The following SYT1 variants were observed in gnomAD, a reference collection of about 807,000 sequenced individuals.
SYT1 encodes the protein synaptotagmin-1.
Under a neutral mutation model 44.8 loss-of-function variants are expected in SYT1, and 8 were observed. The ratio of observed to expected loss-of-function variants is 0.18; its 90% confidence interval spans 0.10 to 0.32. The LOEUF is 0.32. Ranked by LOEUF, SYT1 falls within the 10% of genes least tolerant of loss-of-function variation. The pLI is 1.00. For synonymous variants in SYT1, 154 were observed against 188.8 expected (o/e 0.82, Z 1.51); for missense variants, 286 against 509.3 (o/e 0.56, Z 4.22).
intron 2 of SYT1, among the ~76,000 whole-genome samples, chr12:79,007,315 T>C (rs959987083): frequency 1.3e-5 from 2 of 152,204 alleles, no homozygotes; most frequent in African/African-American, 2.4e-5. Flanking sequence ...CTCTGGACTT[T>C]CATGGCTCTT....
At chr12:79,167,420 G>A (rs1321072076) in intron 3 of SYT1, among the ~76,000 whole-genome samples, 1 of 151,988 alleles carries the variant, frequency 6.6e-6, no homozygotes, top group Non-Finnish European at 1.5e-5. Flanking sequence ...GTGTGTGTTT[G>A]TGTGTGCTTG....
chr12:79,012,440 A>G (rs946691913), intron 2 of SYT1, among the ~76,000 whole-genome samples: 5 of 152,166 alleles, frequency 3.3e-5, no homozygotes, highest in Non-Finnish European at 5.9e-5. Flanking sequence ...AGCACAAACC[A>G]TCTCTTACTC....
At chr12:79,227,931 G>A (rs995964748) in intron 4 of SYT1, among the ~76,000 whole-genome samples, 1 of 152,026 alleles carries the variant, frequency 6.6e-6, no homozygotes, top group Non-Finnish European at 1.5e-5. Context: ...CGGAAACTTT[G>A]CAGCCAAATA....
At chr12:79,111,356 T>C (rs11112829) in intron 3 of SYT1, among the ~76,000 whole-genome samples, 24,105 of 151,898 alleles carry the variant, frequency 0.16, 2,075 homozygotes, top group African/African-American at 0.22. Flanking sequence ...TTTCTCTTCC[T>C]GGAACACCCT....
At chr12:79,046,286 T>C (rs895409179) in intron 2 of SYT1, 3 of 152,232 alleles carry the variant, frequency 2.0e-5, no homozygotes, top group African/African-American at 7.2e-5. Context: ...GAGCTGCTGA[T>C]ATTAAAATAT....
At chr12:78,947,759 G>A (rs1592594364) in intron 1 of SYT1, among the ~76,000 whole-genome samples, 1 of 149,900 alleles carries the variant, frequency 6.7e-6, no homozygotes, top group East Asian at 2.0e-4. Flanking sequence ...ATTTTAATTG[G>A]TTTAAAAAAG....
intron 2 of SYT1, among the ~76,000 whole-genome samples, chr12:79,000,817 G>A (rs964739531): frequency 6.6e-6 from 1 of 152,000 alleles, no homozygotes; most frequent in African/African-American, 2.4e-5. Context: ...AAATATTGTG[G>A]CTAGACCAAG....
chr12:79,429,723 G>T (rs1381727898), intron 9 of SYT1, among the ~76,000 whole-genome samples: 1 of 152,130 alleles, frequency 6.6e-6, no homozygotes, highest in Non-Finnish European at 1.5e-5. Context: ...TAGAGACGGG[G>T]TTTCACCGTG....
At chr12:79,005,281 AT>A (rs1046711303) in intron 2 of SYT1, among the ~76,000 whole-genome samples, 1 of 152,006 alleles carries the variant, frequency 6.6e-6, no homozygotes, top group African/African-American at 2.4e-5. Context: ...ATAATATTTT[AT>A]TCATATCATG....
At chr12:79,360,177 C>G (rs1883265076) in intron 9 of SYT1, among the ~76,000 whole-genome samples, 1 of 151,842 alleles carries the variant, frequency 6.6e-6, no homozygotes, top group Non-Finnish European at 1.5e-5. Context: ...CCTAGGTCAG[C>G]CAAGTTCCAA....
intron 1 of SYT1, among the ~76,000 whole-genome samples, chr12:78,886,871 A>G (rs527287587): frequency 2.0e-5 from 3 of 152,150 alleles, no homozygotes; most frequent in South Asian, 4.1e-4. Flanking sequence ...AAGTCATTCA[A>G]CACATTTTCA....
At chr12:79,330,828 G>T (rs976372257) in intron 8 of SYT1, among the ~76,000 whole-genome samples, 1 of 152,108 alleles carries the variant, frequency 6.6e-6, no homozygotes, top group African/African-American at 2.4e-5. Context: ...TAAGGTTTAA[G>T]AATATTACCA....
At chr12:78,945,108 G>A (rs979174189) in intron 1 of SYT1, among the ~76,000 whole-genome samples, 5 of 152,072 alleles carry the variant, frequency 3.3e-5, no homozygotes, top group African/African-American at 9.7e-5. Flanking sequence ...AGTAAAACCA[G>A]TTTAAAAGAA....
rs1432850031 is a variant in SYT1, at chr12:78,931,231, GAAA to G, written c.-216-46567_-216-46565del. ...AGAAAGAAAGAAAGAAAGAAAGAAA[GAAA>G]GAAAGAAGGAAGGAAGGAAGGAAGG... On this transcript the variant is annotated intron_variant, in intron 1 of 10. Transcript: ENST00000261205. Among the ~76,000 whole-genome samples, 210 of 63,028 alleles carry G rather than the reference GAAA, an allele frequency of 3.3e-3. 7 individuals are homozygous for G. Among genetic ancestry groups the G allele is most frequent in the African/African-American group, 0.011 (122 of 11,206 alleles). 41.3% of individuals were successfully genotyped at this position (63,028 alleles called of 152,430 possible). A position where few individuals can be genotyped will look rare whatever the true frequency, so the allele number is the denominator to read the frequency against.
intron 3 of SYT1, among the ~76,000 whole-genome samples, chr12:79,124,268 T>G (rs1448351084): frequency 6.6e-6 from 1 of 152,196 alleles, no homozygotes; most frequent in Non-Finnish European, 1.5e-5. Flanking sequence ...CATGATGTAA[T>G]TGGAAGAACA....
At chr12:79,042,037 T>C (rs1484988955) in intron 2 of SYT1, among the ~76,000 whole-genome samples, 4 of 150,792 alleles carry the variant, frequency 2.7e-5, no homozygotes, top group East Asian at 3.9e-4. Flanking sequence ...CAGTATTTTA[T>C]TGAGGATTTT....
chr12:79,165,512 G>A (rs578097098), intron 3 of SYT1, among the ~76,000 whole-genome samples: 3 of 151,876 alleles, frequency 2.0e-5, no homozygotes, highest in Admixed American at 6.6e-5. Context: ...AAGACTCTTC[G>A]ATTAAAATGT....
intron 1 of SYT1, among the ~76,000 whole-genome samples, chr12:78,881,424 G>T (rs980126728): frequency 2.6e-5 from 4 of 151,498 alleles, no homozygotes; most frequent in African/African-American, 9.7e-5. Context: ...ACCCCCTTTT[G>T]GTTTTGAACT....
intron 2 of SYT1, among the ~76,000 whole-genome samples, chr12:79,014,222 T>A (rs1406867948): frequency 1.3e-5 from 2 of 150,392 alleles, no homozygotes; most frequent in East Asian, 3.9e-4. Flanking sequence ...CCAGTTCAAA[T>A]ATTTTCATCA....
Sources: allele counts gnomAD v4.1 joint callset (sites outside exome capture counted in the v4.1 genomes callset), GRCh38; gene constraint gnomAD v4.1.1; transcripts MANE v1.5; gene names NCBI Gene and HGNC (gene_info 2026-07-23, HGNC 2026-07-21).